Variants in GPHN observed in about 807,000 individuals in gnomAD.
GPHN encodes gephyrin.
In GPHN, 17 loss-of-function variants were observed where a neutral mutation model predicts 95.5. The observed-to-expected ratio is 0.18, with a 90% CI of 0.12 to 0.27. The LOEUF is 0.27. GPHN is among the 10% of genes least tolerant of loss of function. The pLI, the probability that GPHN is intolerant of heterozygous loss-of-function variation, is 1.00. For missense variants in GPHN, 660 were observed against 978.1 expected (o/e 0.67, Z 4.34); for synonymous variants, 320 against 322.5 (o/e 0.99, Z 0.08).
At chr14:66,608,609 G>T (rs1357035543) in intron 1 of GPHN, among the ~76,000 whole-genome samples, 1 of 152,066 alleles carries the variant, frequency 6.6e-6, no homozygotes, top group African/African-American at 2.4e-5. Flanking sequence ...GTATTATTAT[G>T]TGGCTATTGA....
chr14:67,237,755 C>G, the GPHN span, among the ~76,000 whole-genome samples: 2 of 152,130 alleles, frequency 1.3e-5, no homozygotes, highest in African/African-American at 4.8e-5. Flanking sequence ...GACTGTCCAC[C>G]TTACTCCTGG....
At chr14:66,879,445 A>C (rs1211721186) in intron 4 of GPHN, among the ~76,000 whole-genome samples, 1 of 151,950 alleles carries the variant, frequency 6.6e-6, no homozygotes, top group Non-Finnish European at 1.5e-5. Context: ...TTTTTCCTCT[A>C]GCCAGTACAT....
intron 2 of GPHN, among the ~76,000 whole-genome samples, chr14:66,718,872 G>A (rs2070454904): frequency 1.3e-5 from 2 of 152,170 alleles, no homozygotes; most frequent in African/African-American, 4.8e-5. Context: ...CCTTGGGCAG[G>A]TCTTGCTGCA....
At chr14:67,286,684 C>T in the GPHN span, among the ~76,000 whole-genome samples, 1 of 146,856 alleles carries the variant, frequency 6.8e-6, no homozygotes, top group East Asian at 2.1e-4. Context: ...GGTGAAACTC[C>T]ATCTCTACCA....
intron 2 of GPHN, among the ~76,000 whole-genome samples, chr14:66,771,915 G>A (rs2059191636): frequency 6.6e-6 from 1 of 151,928 alleles, no homozygotes. Flanking sequence ...GTGACCACAG[G>A]CTTGCAGCAA....
chr14:67,266,536 G>A, the GPHN span, among the ~76,000 whole-genome samples: 1 of 151,996 alleles, frequency 6.6e-6, no homozygotes, highest in African/African-American at 2.4e-5. Flanking sequence ...ATGTTGGCCA[G>A]GCTGGTCTCA....
At chr14:66,871,065 G>A (rs568823626) in intron 4 of GPHN, among the ~76,000 whole-genome samples, 4 of 152,290 alleles carry the variant, frequency 2.6e-5, no homozygotes, top group East Asian at 1.9e-4. Flanking sequence ...ATCTCTTTTA[G>A]GCAATTCTCA....
chr14:66,875,828 A>G (rs921351573), intron 4 of GPHN, among the ~76,000 whole-genome samples: 1 of 152,138 alleles, frequency 6.6e-6, no homozygotes, highest in Non-Finnish European at 1.5e-5. Flanking sequence ...CCCACTGTCA[A>G]TGTTAGACAG....
chr14:66,638,450 A>G (rs2064220066), intron 1 of GPHN, among the ~76,000 whole-genome samples: 1 of 152,110 alleles, frequency 6.6e-6, no homozygotes, highest in African/African-American at 2.4e-5. Flanking sequence ...AACAAGAACA[A>G]CAACGACAAC....
intron 1 of GPHN, among the ~76,000 whole-genome samples, chr14:66,611,469 TCTGG>T (rs2062780857): frequency 6.6e-6 from 1 of 152,172 alleles, no homozygotes; most frequent in Non-Finnish European, 1.5e-5. Context: ...TTGTGGTAAA[TCTGG>T]AATCCTTGCT....
At chr14:66,858,016 A>T (rs565508497) in intron 4 of GPHN, among the ~76,000 whole-genome samples, 4 of 152,326 alleles carry the variant, frequency 2.6e-5, no homozygotes, top group African/African-American at 7.2e-5. Context: ...TGCGATTGGA[A>T]AGTGAGTTTT....
chr14:66,759,596 T>C (rs1407282626), intron 2 of GPHN, among the ~76,000 whole-genome samples: 2 of 152,240 alleles, frequency 1.3e-5, no homozygotes, highest in Non-Finnish European at 2.9e-5. Context: ...TTTCTCCAGC[T>C]CTTTACTTTA....
intron 1 of GPHN, among the ~76,000 whole-genome samples, chr14:66,661,491 T>A (rs913941895): frequency 1.3e-5 from 2 of 151,278 alleles, no homozygotes; most frequent in Non-Finnish European, 2.9e-5. Flanking sequence ...TGATTTCTCT[T>A]TGGGACTGAG....
At chr14:66,587,712 C>G (rs577535181) in intron 1 of GPHN, among the ~76,000 whole-genome samples, 1 of 152,182 alleles carries the variant, frequency 6.6e-6, no homozygotes, top group Non-Finnish European at 1.5e-5. Flanking sequence ...TCTGACATTA[C>G]TATAAAGAAC....
the GPHN span, among the ~76,000 whole-genome samples, chr14:67,658,454 G>A: frequency 3.8e-4 from 58 of 152,132 alleles, 1 homozygote; most frequent in African/African-American, 1.1e-3. Flanking sequence ...AAAATTAGCC[G>A]GGCGTGGTGG....
At chr14:66,627,507 C>G (rs2063567622) in intron 1 of GPHN, among the ~76,000 whole-genome samples, 1 of 151,880 alleles carries the variant, frequency 6.6e-6, no homozygotes, top group Admixed American at 6.6e-5. Flanking sequence ...ATAATTTTTA[C>G]TCTTGTGAAC....
chr14:67,623,528 G>C, the GPHN span, among the ~76,000 whole-genome samples: 2 of 142,818 alleles, frequency 1.4e-5, no homozygotes, highest in African/African-American at 5.3e-5. Flanking sequence ...AGTACTCTCA[G>C]GTAACCTTTT....
the GPHN span, among the ~76,000 whole-genome samples, chr14:67,697,970 A>G: frequency 6.6e-6 from 1 of 152,242 alleles, no homozygotes; most frequent in African/African-American, 2.4e-5. Flanking sequence ...AATTTGTGCA[A>G]TAACATCAAG....
chr14:66,889,003 A>G (rs1734644113), intron 5 of GPHN, among the ~76,000 whole-genome samples: 1 of 152,196 alleles, frequency 6.6e-6, no homozygotes, highest in South Asian at 2.1e-4. Context: ...TACAAGAGAC[A>G]AAGGATATAT....
Sources: allele counts gnomAD v4.1 joint callset (sites outside exome capture counted in the v4.1 genomes callset), GRCh38; gene constraint gnomAD v4.1.1; transcripts MANE v1.5; gene names NCBI Gene and HGNC (gene_info 2026-07-23, HGNC 2026-07-21).